Variants in MAP2 observed in about 807,000 individuals in gnomAD.
MAP2 encodes microtubule associated protein 2.
MAP2 carries 14 observed loss-of-function variants against 137.6 expected under a neutral mutation model. That is an observed-to-expected ratio of 0.10 (90% CI 0.07 to 0.16). MAP2 has a LOEUF of 0.16. Among genes scored for constraint, MAP2 ranks in the 10% least tolerant of loss-of-function variants. MAP2 has a pLI of 1.00. For synonymous variants in MAP2, 786 were observed against 782.3 expected, an observed-to-expected ratio of 1.00 and a Z score of -0.08; for missense variants, 2,088 against 2,191.5, an observed-to-expected ratio of 0.95 and a Z score of 0.94.
At chr2:209,550,470 T>C (rs1324347718) in intron 2 of MAP2, among the ~76,000 whole-genome samples, 1 of 152,136 alleles carries the variant, frequency 6.6e-6, no homozygotes, top group South Asian at 2.1e-4. Context: ...AGGACTTTAT[T>C]GCATATTCTT....
intron 3 of MAP2, among the ~76,000 whole-genome samples, chr2:209,598,138 T>C (rs577637054): frequency 8.0e-4 from 122 of 152,280 alleles, no homozygotes; most frequent in African/African-American, 2.8e-3. Context: ...CCCACGTAGC[T>C]GGGACTGTAG....
At chr2:209,492,182 C>G (rs192798692) in intron 1 of MAP2, among the ~76,000 whole-genome samples, 3,549 of 150,928 alleles carry the variant, frequency 0.024, 47 homozygotes, top group Non-Finnish European at 0.033. Flanking sequence ...AAACCAATGA[C>G]AAAAAACACA....
At chr2:209,531,690 G>T (rs573521442) in intron 2 of MAP2, among the ~76,000 whole-genome samples, 20 of 152,242 alleles carry the variant, frequency 1.3e-4, no homozygotes, top group Admixed American at 3.9e-4. Flanking sequence ...AAATAATGAT[G>T]TTTGTAATAT....
Position 209,694,604 on chromosome 2 carries a change from C to G in MAP2, c.2434C>G (p.Leu812Val), listed in dbSNP as rs752567993. The change falls in exon 8 of 16, where the codon CTG becomes GTG. Residue 812 changes from leucine (L) to valine (V), a missense_variant. Physicochemically the swap from Leu to Val is conservative, Grantham distance 32. Around this residue, in one of 6 missense-constraint regions of MAP2, gnomAD observed 500 missense variants for 482.9 expected, o/e 1.04. Transcript: ENST00000682079. ...MAPDLPEMLDLAGTRSRLASV... is the reference protein window; with the variant it reads ...MAPDLPEMLDVAGTRSRLASV... The stretch of plus-strand genomic sequence containing the variant: ...ACCTGACCTTCCTGAAATGCTAGAT[C>G]TGGCAGGCACAAGGTCAAGATTGGC... 1.9e-6 allele frequency: 3 copies of G among 1,613,984 alleles called. No homozygotes were observed. The highest frequency in any genetic ancestry group is 2.5e-6 in the Non-Finnish European group (3 of 1,179,906).
rs569111486 is a variant in MAP2, at chr2:209,562,870, G to A, written c.-171-17166G>A. Among the ~76,000 whole-genome samples the A allele has an allele frequency of 3.9e-5, 6 of 152,272 alleles. No individual in the cohort carries two copies. The South Asian group carries it at 1.0e-3, about 26-fold the overall frequency. ...GAATATAAAGCAGTTTTTAAAAATT[G>A]GGGGTCATGTTTCATTTTTGAAAAA... On this transcript the variant is annotated intron_variant, in intron 2 of 15. Coordinates refer to ENST00000682079, the MANE Select transcript of MAP2 (RefSeq NM_001375505.1).
intron 1 of MAP2, among the ~76,000 whole-genome samples, chr2:209,444,911 A>T (rs993406618): frequency 1.3e-5 from 2 of 151,414 alleles, no homozygotes; most frequent in Non-Finnish European, 3.0e-5. Flanking sequence ...TGTCACATAT[A>T]AAAAAGCTTA....
At chr2:209,529,283 T>C (rs928806985) in intron 2 of MAP2, among the ~76,000 whole-genome samples, 3 of 152,134 alleles carry the variant, frequency 2.0e-5, no homozygotes, top group African/African-American at 7.2e-5. Flanking sequence ...AGACAAACTC[T>C]ATTGTTGTCA....
chr2:209,452,411 T>C (rs1443884880), intron 1 of MAP2, among the ~76,000 whole-genome samples: 1 of 152,176 alleles, frequency 6.6e-6, no homozygotes, highest in African/African-American at 2.4e-5. Flanking sequence ...TGAGCATAGA[T>C]CAGTTTCCTT....
At chr2:209,700,680 A>G (rs1317038600) in intron 11 of MAP2, among the ~76,000 whole-genome samples, 1 of 152,196 alleles carries the variant, frequency 6.6e-6, no homozygotes, top group Admixed American at 6.6e-5. Context: ...ACTGTATTTT[A>G]TAATACACTT....
chr2:209,642,456 G>T (rs1381217243), intron 4 of MAP2, among the ~76,000 whole-genome samples: 1 of 150,682 alleles, frequency 6.6e-6, no homozygotes, highest in Admixed American at 6.6e-5. Context: ...AGAAAAAGAA[G>T]AAAACACAAA....
chr2:209,700,003 T>G (rs575960457), intron 10 of MAP2, among the ~76,000 whole-genome samples: 10 of 152,336 alleles, frequency 6.6e-5, no homozygotes, highest in African/African-American at 2.2e-4. Context: ...GATTCAAAGA[T>G]ACATTGGTAA....
At chr2:209,585,500 A>G (rs2077476957) in intron 3 of MAP2, among the ~76,000 whole-genome samples, 1 of 152,186 alleles carries the variant, frequency 6.6e-6, no homozygotes. Flanking sequence ...ATTATTGTTA[A>G]CACTTTTAAA....
chr2:209,556,583 A>G (rs1266261692), intron 2 of MAP2, among the ~76,000 whole-genome samples: 1 of 151,920 alleles, frequency 6.6e-6, no homozygotes, highest in Non-Finnish European at 1.5e-5. Context: ...TGAGGCCTAA[A>G]CATGGGTGCC....
intron 5 of MAP2, among the ~76,000 whole-genome samples, chr2:209,668,742 G>T (rs187204132): frequency 6.6e-6 from 1 of 152,028 alleles, no homozygotes; most frequent in African/African-American, 2.4e-5. Flanking sequence ...TACATATTTA[G>T]AATTTTTCCA....
intron 1 of MAP2, among the ~76,000 whole-genome samples, chr2:209,493,972 A>T (rs1052703691): frequency 1.3e-5 from 2 of 152,214 alleles, no homozygotes; most frequent in Non-Finnish European, 2.9e-5. Flanking sequence ...TACCATAAAG[A>T]CACATGCACT....
intron 3 of MAP2, among the ~76,000 whole-genome samples, chr2:209,604,535 C>T (rs915416090): frequency 6.6e-6 from 1 of 152,142 alleles, no homozygotes; most frequent in African/African-American, 2.4e-5. Flanking sequence ...GGGATATCCT[C>T]TTAAATGTAA....
intron 1 of MAP2, among the ~76,000 whole-genome samples, chr2:209,476,144 G>A (rs574872086): frequency 2.4e-4 from 36 of 152,046 alleles, no homozygotes; most frequent in Non-Finnish European, 4.7e-4. Flanking sequence ...CTTTAAAAAT[G>A]GGTATGAATT....
intron 2 of MAP2, among the ~76,000 whole-genome samples, chr2:209,548,835 G>A (rs976126914): frequency 6.6e-6 from 1 of 152,208 alleles, no homozygotes; most frequent in East Asian, 1.9e-4. Flanking sequence ...TTGAAGAGGT[G>A]CTTTGCTTCC....
intron 2 of MAP2, among the ~76,000 whole-genome samples, chr2:209,544,070 A>G (rs1275861524): frequency 6.6e-6 from 1 of 152,092 alleles, no homozygotes; most frequent in Non-Finnish European, 1.5e-5. Context: ...TCTACTAAAA[A>G]TACAAAAACA....
Sources: allele counts gnomAD v4.1 joint callset (sites outside exome capture counted in the v4.1 genomes callset), GRCh38; gene constraint gnomAD v4.1.1; regional missense constraint gnomAD v4.1.1; transcripts MANE v1.5; gene names NCBI Gene and HGNC (gene_info 2026-07-23, HGNC 2026-07-21).